Variants in SIPA1L3 observed in about 807,000 individuals in gnomAD.
SIPA1L3 encodes signal induced proliferation associated 1 like 3, also known as signal-induced proliferation-associated 1-like protein 3.
SIPA1L3 carries 59 observed loss-of-function variants against 150.1 expected under a neutral mutation model. That is an observed-to-expected ratio of 0.39 (90% confidence interval 0.32 to 0.49). The LOEUF is 0.49. SIPA1L3 is among the 20% of genes least tolerant of loss of function. SIPA1L3 has a pLI of 0.86. For synonymous variants in SIPA1L3, 1,070 were observed against 1,077.6 expected, an observed-to-expected ratio of 0.99 and a Z score of 0.14; for missense variants, 2,211 against 2,489.5, an observed-to-expected ratio of 0.89 and a Z score of 2.38.
chr19:38,065,915 C>CTATTTATTTATTTATTTATT lies in SIPA1L3; in HGVS notation c.-310-15327_-310-15308dup, dbSNP rs56132149. Among the ~76,000 whole-genome samples the CTATTTATTTATTTATTTATT allele has an allele frequency of 3.1e-4, 39 of 127,702 alleles. 1 individual carries two copies. Among genetic ancestry groups the CTATTTATTTATTTATTTATT allele is most frequent in the East Asian group, 1.8e-3 (8 of 4,432 alleles). The allele number at this position is 127,702 out of a possible 152,430, so 83.8% of individuals were successfully genotyped here. A position where few individuals can be genotyped will look rare whatever the true frequency, so the allele number is the denominator to read the frequency against. ...CGGGTTTGATCTCTTATTTATTTAT[C>CTATTTATTTATTTATTTATT]TATTTATTTATTTATTTATTTATTT... On this transcript the variant is annotated intron_variant, in intron 2 of 21. Transcript: ENST00000222345.
chr19:38,025,082 T>C (rs905982962), intron 1 of SIPA1L3, among the ~76,000 whole-genome samples: 8 of 152,166 alleles, frequency 5.3e-5, no homozygotes, highest in African/African-American at 1.7e-4. Flanking sequence ...GCAGTCCCCC[T>C]GCCTTACCAC....
intron 1 of SIPA1L3, among the ~76,000 whole-genome samples, chr19:38,016,035 C>T (rs899566495): frequency 2.0e-5 from 3 of 152,180 alleles, no homozygotes; most frequent in African/African-American, 4.8e-5. Flanking sequence ...ACACGTGGCT[C>T]GGATCTCTTC....
Position 38,141,710 on chromosome 19 carries a change from C to T in SIPA1L3, c.3395+275C>T, listed in dbSNP as rs376519495. 4.0e-4 allele frequency among the ~76,000 whole-genome samples: 61 copies of T among 152,284 alleles called. 2 individuals are homozygous for T. In the South Asian group the frequency reaches 0.012, roughly 31 times the overall value. On this transcript the variant is annotated intron_variant, in intron 11 of 21. Transcript: ENST00000222345. ...GAAGCTCTGCTTTTTAGGCTGGGCACGGTGGCTCACGCCTGTAATCCCAAC... is the reference window on the plus strand; with the variant it reads ...GAAGCTCTGCTTTTTAGGCTGGGCATGGTGGCTCACGCCTGTAATCCCAAC...
At chr19:37,998,617 A>G (rs1207639138) in intron 1 of SIPA1L3, among the ~76,000 whole-genome samples, 1 of 152,136 alleles carries the variant, frequency 6.6e-6, no homozygotes, top group Non-Finnish European at 1.5e-5. Flanking sequence ...CCTCATCTCT[A>G]CTAAAAGTAA....
chr19:38,011,835 T>A (rs943280807), intron 1 of SIPA1L3, among the ~76,000 whole-genome samples: 2 of 151,954 alleles, frequency 1.3e-5, no homozygotes, highest in Admixed American at 1.3e-4. Context: ...AGGGATCTCA[T>A]GAAGTTGTTA....
chr19:38,081,855 G>T lies in SIPA1L3; in HGVS notation c.290G>T (p.Ser97Ile), dbSNP rs1240416218. The T allele has an allele frequency of 1.9e-6, 3 of 1,613,984 alleles. No individual in the cohort carries two copies. The East Asian group carries it at 6.7e-5, about 36-fold the overall frequency. Reference sequence around the variant, plus strand: ...AAGCGGGAGGCCCTGAGAGAGCACAGCAACCCAAGCCCCTCCCAGGACACA... The same window carrying T: ...AAGCGGGAGGCCCTGAGAGAGCACATCAACCCAAGCCCCTCCCAGGACACA... The part of the protein sequence containing the change: ...PPKREALREH[S>I]NPSPSQDTDG... Residue 97 changes from serine (S) to isoleucine (I), a missense_variant, in exon 3 of 22, where the codon AGC becomes ATC. Physicochemically the swap from Ser to Ile is moderately radical, Grantham distance 142. Around this residue, in one of 5 missense-constraint regions of SIPA1L3, gnomAD observed 130 missense variants for 174.5 expected, o/e 0.74. Coordinates refer to ENST00000222345, the MANE Select transcript of SIPA1L3 (RefSeq NM_015073.3).
intron 4 of SIPA1L3, among the ~76,000 whole-genome samples, chr19:38,091,056 C>A (rs1970246683): frequency 6.6e-6 from 1 of 152,180 alleles, no homozygotes; most frequent in African/African-American, 2.4e-5. Flanking sequence ...GACATATGGG[C>A]AACTGCTGGG....
At chr19:37,931,346 C>T (rs2046552130) in intron 1 of SIPA1L3, among the ~76,000 whole-genome samples, 1 of 151,720 alleles carries the variant, frequency 6.6e-6, no homozygotes, top group Admixed American at 6.6e-5. Context: ...ACCCTTGTCT[C>T]TACAAAAATA....
chr19:37,950,922 G>A (rs950136777), intron 1 of SIPA1L3, among the ~76,000 whole-genome samples: 2 of 152,246 alleles, frequency 1.3e-5, no homozygotes, highest in African/African-American at 4.8e-5. Context: ...GGTAACAGTT[G>A]GGATTCTCTG....
intron 2 of SIPA1L3, among the ~76,000 whole-genome samples, chr19:38,076,329 C>T (rs1209076516): frequency 6.6e-6 from 1 of 152,102 alleles, no homozygotes; most frequent in Non-Finnish European, 1.5e-5. Flanking sequence ...CACAAACACA[C>T]TGCCAAGCCA....
intron 8 of SIPA1L3, among the ~76,000 whole-genome samples, chr19:38,113,606 C>CAA (rs539664508): frequency 7.0e-6 from 1 of 143,032 alleles, no homozygotes; most frequent in Admixed American, 7.0e-5. Context: ...AAGACTCTCT[C>CAA]AAAAAAAAAA....
At chr19:38,148,424 CA>C (rs1338537884) in intron 12 of SIPA1L3, among the ~76,000 whole-genome samples, 1 of 151,608 alleles carries the variant, frequency 6.6e-6, no homozygotes. Flanking sequence ...GGTCACATTG[CA>C]CCTCTGTGGC....
In SIPA1L3 at chr19:38,144,023, G is replaced by A. The variant is rs534091009; in HGVS notation, c.3533+1313G>A. On this transcript the variant is annotated intron_variant, in intron 12 of 21. Transcript: ENST00000222345. ...CTAGGGGGACTGTCTGTATTTCAGA[G>A]CCTTGATGGTGTTCCTTCCTTGGCC... is the stretch of plus-strand genomic sequence containing the variant. 1.3e-5 allele frequency among the ~76,000 whole-genome samples: 2 copies of A among 152,176 alleles called. 1 individual carries two copies. Among genetic ancestry groups the A allele is most frequent in the South Asian group, 4.1e-4 (2 of 4,828 alleles).
intron 1 of SIPA1L3, among the ~76,000 whole-genome samples, chr19:38,019,466 A>G (rs1180753568): frequency 6.6e-6 from 1 of 152,212 alleles, no homozygotes; most frequent in Non-Finnish European, 1.5e-5. Context: ...AATTTTCCTC[A>G]AAGTCCCACA....
chr19:38,129,341 C>T (rs1318859841), intron 9 of SIPA1L3, among the ~76,000 whole-genome samples: 1 of 152,026 alleles, frequency 6.6e-6, no homozygotes, highest in South Asian at 2.1e-4. Flanking sequence ...AATGGTGTCA[C>T]GAGGCCGGGC....
intron 10 of SIPA1L3, among the ~76,000 whole-genome samples, chr19:38,133,190 G>A (rs1313418978): frequency 1.3e-5 from 2 of 152,184 alleles, no homozygotes; most frequent in Non-Finnish European, 2.9e-5. Context: ...CCCCCTGCAA[G>A]TGACACTAGG....
intron 1 of SIPA1L3, among the ~76,000 whole-genome samples, chr19:37,912,459 T>C (rs8105305): frequency 0.67 from 102,408 of 151,884 alleles, 36,028 homozygotes; most frequent in African/African-American, 0.87. Context: ...TTGAGAGGTT[T>C]CATAAGATTA....
At position 38,190,658 on chromosome 19, in the gene SIPA1L3, G is replaced by A. The variant is rs573068714; in HGVS notation, c.4431-1487G>A. Reference sequence around the variant, plus strand: ...CTTTCTTGCATTACAGAATGAAGAAGTCCAGGCAAAAGCTTTTATTAAGCT... The same window carrying A: ...CTTTCTTGCATTACAGAATGAAGAAATCCAGGCAAAAGCTTTTATTAAGCT... On this transcript the variant is annotated intron_variant, in intron 16 of 21. Transcript: ENST00000222345. Among the ~76,000 whole-genome samples, 4 of 152,312 alleles carry A rather than the reference G, an allele frequency of 2.6e-5. No homozygotes were observed. In the East Asian group the frequency reaches 7.7e-4, roughly 29 times the overall value.
intron 1 of SIPA1L3, among the ~76,000 whole-genome samples, chr19:37,977,246 C>T (rs558786864): frequency 1.3e-5 from 2 of 152,286 alleles, no homozygotes; most frequent in East Asian, 3.9e-4. Flanking sequence ...CACACTGCAA[C>T]CTCCACCTCC....
Sources: allele counts gnomAD v4.1 joint callset (sites outside exome capture counted in the v4.1 genomes callset), GRCh38; gene constraint gnomAD v4.1.1; regional missense constraint gnomAD v4.1.1; transcripts MANE v1.5; gene names NCBI Gene and HGNC (gene_info 2026-07-23, HGNC 2026-07-21).